TUBGCP3: variants seen among roughly 807,000 people sequenced by gnomAD.
The protein encoded by TUBGCP3 is tubulin gamma complex component 3.
In TUBGCP3, 50 loss-of-function variants were observed where a neutral mutation model predicts 123.1. That is an observed-to-expected ratio of 0.41 (90% confidence interval 0.32 to 0.51). TUBGCP3 has a LOEUF of 0.51. Ranked by LOEUF, TUBGCP3 falls within the 20% of genes least tolerant of loss-of-function variation. TUBGCP3 has a pLI of 0.36. For missense variants in TUBGCP3, 882 were observed against 1,127.0 expected (o/e 0.78, Z 3.11); for synonymous variants, 405 against 413.9 (o/e 0.98, Z 0.26).
At chr13:112,559,037 T>C (rs1047020565) in intron 4 of TUBGCP3, among the ~76,000 whole-genome samples, 2 of 152,264 alleles carry the variant, frequency 1.3e-5, no homozygotes, top group African/African-American at 2.4e-5. Context: ...TCAGTGCTGA[T>C]ATTAGTAACT....
chr13:112,518,479 T>C (rs755229961), intron 16 of TUBGCP3, among the ~76,000 whole-genome samples: 4 of 152,248 alleles, frequency 2.6e-5, no homozygotes, highest in East Asian at 1.9e-4. Context: ...ATTGCAGACA[T>C]GTAAAAAGAC....
At chr13:112,520,314 A>C (rs891527059) in intron 14 of TUBGCP3, among the ~76,000 whole-genome samples, 2 of 152,188 alleles carry the variant, frequency 1.3e-5, no homozygotes, top group African/African-American at 4.8e-5. Context: ...GGATCACCTG[A>C]GGTCAGGAGT....
Position 112,556,243 on chromosome 13 carries a change from A to G in TUBGCP3, c.549-19T>C. The G allele has an allele frequency of 6.2e-7, 1 of 1,607,788 alleles. No homozygotes were observed. The highest frequency in any genetic ancestry group is 1.3e-5 in the African/African-American group (1 of 74,914). ...AGACTGTCTAAAAAAAGAAACATGT[A>G]TTATCTTCTAATAGGCTATTCGCTG... On this transcript the variant is annotated intron_variant, in intron 5 of 21. Transcript: ENST00000261965.
rs1486989076 is a variant in TUBGCP3 at position 112,554,041 on chromosome 13, G to A, written c.966+16C>T. The A allele has an allele frequency of 1.2e-5, 19 of 1,605,960 alleles. No individual in the cohort carries two copies. Among genetic ancestry groups the A allele is most frequent in the Non-Finnish European group, 1.6e-5 (19 of 1,177,854 alleles). ...AAGTGCGCAGCATCCCAGCATCCTA[G>A]GAACCATGAACGCACCTGCCCGACG... On this transcript the variant is annotated intron_variant, in intron 8 of 21. Coordinates refer to ENST00000261965, the MANE Select transcript of TUBGCP3 (RefSeq NM_006322.6).
Position 112,548,179 on chromosome 13 carries a change from G to A in TUBGCP3, c.967-3C>T. ...TGGTGCAAGGCAGCACAAAAGCTCT[G>A]TTTGGAGGAGAAATATAATTAAAGC... On this transcript the variant is annotated splice_polypyrimidine_tract_variant and splice_region_variant and intron_variant, in intron 8 of 21. Transcript: ENST00000261965. 6.3e-7 allele frequency: 1 copy of A among 1,597,692 alleles called. No homozygotes were observed. The highest frequency in any genetic ancestry group is 8.5e-7 in the Non-Finnish European group (1 of 1,170,134).
At chr13:112,491,272 G>A (rs983449501) in intron 20 of TUBGCP3, among the ~76,000 whole-genome samples, 2 of 152,164 alleles carry the variant, frequency 1.3e-5, no homozygotes, top group African/African-American at 2.4e-5. Context: ...AATATAGGCA[G>A]TTATGAATTT....
chr13:112,587,828 G>T (rs1882730300), intron 1 of TUBGCP3, 77 bp downstream of exon 1: 1 of 1,318,720 alleles, frequency 7.6e-7, no homozygotes, highest in Non-Finnish European at 1.0e-6. Context: ...TCCAGCCCCG[G>T]AACGTATTAG....
intron 17 of TUBGCP3, among the ~76,000 whole-genome samples, chr13:112,505,278 C>T (rs1271615116): frequency 1.3e-5 from 2 of 152,222 alleles, no homozygotes; most frequent in East Asian, 3.8e-4. Context: ...TCTCTGCTCG[C>T]ACTTTTAATT....
chr13:112,586,066 C>T (rs1594240753), intron 1 of TUBGCP3, among the ~76,000 whole-genome samples: 1 of 151,792 alleles, frequency 6.6e-6, no homozygotes, highest in Non-Finnish European at 1.5e-5. Context: ...AGTGAAACCC[C>T]GTCTCTACTA....
intron 11 of TUBGCP3, among the ~76,000 whole-genome samples, chr13:112,544,339 G>A (rs1013845457): frequency 6.6e-6 from 1 of 151,262 alleles, no homozygotes; most frequent in South Asian, 2.1e-4. Context: ...GTAGTCCCAA[G>A]CTACCTGGGA....
At chr13:112,548,981 G>A (rs570712031) in intron 8 of TUBGCP3, among the ~76,000 whole-genome samples, 1 of 152,172 alleles carries the variant, frequency 6.6e-6, no homozygotes, top group Non-Finnish European at 1.5e-5. Flanking sequence ...CATCCCATTA[G>A]TGGGTATATA....
chr13:112,595,572 T>C, the TUBGCP3 span, among the ~76,000 whole-genome samples: 2 of 152,322 alleles, frequency 1.3e-5, no homozygotes, highest in South Asian at 4.1e-4. Flanking sequence ...CAAATTGACC[T>C]TTATCTCATT....
chr13:112,561,944 G>C (rs1178911012), intron 3 of TUBGCP3, among the ~76,000 whole-genome samples: 1 of 152,202 alleles, frequency 6.6e-6, no homozygotes, highest in Non-Finnish European at 1.5e-5. Context: ...AAAAGAGCAA[G>C]TATAAAACAC....
At chr13:112,539,623 T>TAG (rs1878335657) in intron 11 of TUBGCP3, among the ~76,000 whole-genome samples, 1 of 152,238 alleles carries the variant, frequency 6.6e-6, no homozygotes, top group African/African-American at 2.4e-5. Flanking sequence ...ATGAACTTCC[T>TAG]AGAGCTCTAT....
chr13:112,535,353 T>A (rs113213005), intron 11 of TUBGCP3, among the ~76,000 whole-genome samples: 1 of 152,206 alleles, frequency 6.6e-6, no homozygotes, highest in Non-Finnish European at 1.5e-5. Context: ...TTAATTTTTT[T>A]AGAAACTGTC....
chr13:112,495,358 A>G (rs983912255), intron 20 of TUBGCP3, among the ~76,000 whole-genome samples: 7 of 152,194 alleles, frequency 4.6e-5, no homozygotes, highest in Non-Finnish European at 7.3e-5. Flanking sequence ...GGCTGGGACC[A>G]TCAGTGCAGG....
chr13:112,488,137 A>AC (rs1248032193), intron 21 of TUBGCP3, among the ~76,000 whole-genome samples: 1 of 150,936 alleles, frequency 6.6e-6, no homozygotes, highest in Non-Finnish European at 1.5e-5. Context: ...GTCTCAAAAA[A>AC]AAAAAAAAAA....
At chr13:112,491,378 G>T (rs1322352656) in intron 20 of TUBGCP3, among the ~76,000 whole-genome samples, 1 of 152,032 alleles carries the variant, frequency 6.6e-6, no homozygotes, top group Non-Finnish European at 1.5e-5. Context: ...ATTTCTGCTT[G>T]TTTGCTTGTG....
chr13:112,542,126 A>G (rs1878571342), intron 11 of TUBGCP3, among the ~76,000 whole-genome samples: 1 of 152,252 alleles, frequency 6.6e-6, no homozygotes, highest in Non-Finnish European at 1.5e-5. Flanking sequence ...CTGAGAGTAA[A>G]CAAATCATAG....
Sources: allele counts gnomAD v4.1 joint callset (sites outside exome capture counted in the v4.1 genomes callset), GRCh38; gene constraint gnomAD v4.1.1; transcripts MANE v1.5; gene names NCBI Gene and HGNC (gene_info 2026-07-23, HGNC 2026-07-21).